Variants in TNR observed in about 807,000 individuals in gnomAD.
TNR encodes the protein tenascin-R.
Under a neutral mutation model 150.4 loss-of-function variants are expected in TNR, and 45 were observed. The ratio of observed to expected loss-of-function variants is 0.30; its 90% CI spans 0.24 to 0.38. The LOEUF (loss-of-function observed/expected upper bound fraction) is 0.38. Ranked by LOEUF, TNR falls within the 10% of genes least tolerant of loss-of-function variation. TNR has a pLI of 1.00. For synonymous variants in TNR, 687 were observed against 678.4 expected (o/e 1.01, Z -0.20); for missense variants, 1,544 against 1,759.1 (o/e 0.88, Z 2.19).
chr1:175,362,598 C>G (rs993630784), intron 14 of TNR, 65 bp downstream of exon 14: 31 of 1,577,688 alleles, frequency 2.0e-5, no homozygotes, highest in Non-Finnish European at 2.6e-5. Context: ...TTCTACAAGC[C>G]CGAACAACTT....
rs1252451328 is a variant in TNR, at chr1:175,403,581, C to T, written c.535G>A (p.Gly179Ser). 4 of 1,613,950 alleles carry T rather than the reference C, an allele frequency of 2.5e-6. No homozygotes were observed. Among genetic ancestry groups the T allele is most frequent in the Non-Finnish European group, 3.4e-6 (4 of 1,179,962 alleles). ...LDYIPHCSGHGNFSFESCGCI... is the reference protein window; with the variant it reads ...LDYIPHCSGHSNFSFESCGCI... ...CCACAGGACTCAAAGCTAAAGTTGC[C>T]GTGGCCACTGCAGTGAGGGATATAG... Residue 179 changes from glycine to serine, a missense_variant, in exon 4 of 23, where the codon GGC becomes AGC. This residue lies in a region of TNR where 1,254 missense variants were observed against 1,329.4 expected (regional missense o/e 0.94). Coordinates refer to ENST00000367674, the MANE Select transcript of TNR (RefSeq NM_003285.3).
chr1:175,729,984 C>G (rs909107549), intron 1 of TNR, among the ~76,000 whole-genome samples: 1 of 152,186 alleles, frequency 6.6e-6, no homozygotes, highest in Non-Finnish European at 1.5e-5. Context: ...AGGCAACAAG[C>G]TTGCATCCTA....
At chr1:175,589,813 C>T (rs1662726054) in intron 1 of TNR, among the ~76,000 whole-genome samples, 1 of 151,704 alleles carries the variant, frequency 6.6e-6, no homozygotes, top group Admixed American at 6.6e-5. Flanking sequence ...CACATGGACA[C>T]AGGAAAGGGA....
chr1:175,495,786 G>A (rs774419498), intron 2 of TNR, among the ~76,000 whole-genome samples: 4 of 152,180 alleles, frequency 2.6e-5, no homozygotes, highest in Non-Finnish European at 5.9e-5. Context: ...CAGAAGTGCC[G>A]TTTGTGTGGC....
chr1:175,324,566 T>C, intron 21 of TNR, 47 bp from the exon 22 acceptor site: 2 of 1,595,666 alleles, frequency 1.3e-6, no homozygotes, highest in South Asian at 1.1e-5. Flanking sequence ...GTCACTGCTT[T>C]ATCAGGATTT....
At chr1:175,679,677 G>T (rs1363779290) in intron 1 of TNR, among the ~76,000 whole-genome samples, 1 of 152,126 alleles carries the variant, frequency 6.6e-6, no homozygotes, top group Admixed American at 6.5e-5. Flanking sequence ...AGGTGTGAGG[G>T]ATGGGCCACT....
At chr1:175,604,008 C>T (rs1014701197) in intron 1 of TNR, among the ~76,000 whole-genome samples, 16 of 152,148 alleles carry the variant, frequency 1.1e-4, no homozygotes, top group African/African-American at 3.6e-4. Flanking sequence ...GGGAGCACAC[C>T]AGTGCTCCCA....
chr1:175,700,667 G>A (rs1028913989), intron 1 of TNR, among the ~76,000 whole-genome samples: 6 of 152,154 alleles, frequency 3.9e-5, no homozygotes, highest in Admixed American at 3.9e-4. Flanking sequence ...GCTGAGCTTG[G>A]AGAGGATGAG....
intron 9 of TNR, among the ~76,000 whole-genome samples, chr1:175,373,821 A>C (rs1310219199): frequency 6.6e-6 from 1 of 152,142 alleles, no homozygotes. Flanking sequence ...TTTAAGACAA[A>C]TAAGGAATAG....
At chr1:175,440,681 C>T (rs1655742617) in intron 2 of TNR, among the ~76,000 whole-genome samples, 2 of 151,916 alleles carry the variant, frequency 1.3e-5, no homozygotes, top group Non-Finnish European at 2.9e-5. Context: ...CAAGTGAAGA[C>T]CATGTTTCAG....
intron 1 of TNR, among the ~76,000 whole-genome samples, chr1:175,592,199 G>A (rs750715378): frequency 6.6e-6 from 1 of 152,172 alleles, no homozygotes; most frequent in Non-Finnish European, 1.5e-5. Context: ...GATAACTTAT[G>A]TAAAATCATT....
intron 1 of TNR, among the ~76,000 whole-genome samples, chr1:175,555,976 G>A (rs558765968): frequency 2.3e-4 from 35 of 152,314 alleles, no homozygotes; most frequent in African/African-American, 8.2e-4. Flanking sequence ...AAGGCGTATA[G>A]GCTCAGACAG....
At chr1:175,445,298 T>G (rs946969870) in intron 2 of TNR, among the ~76,000 whole-genome samples, 2 of 152,106 alleles carry the variant, frequency 1.3e-5, no homozygotes, top group Admixed American at 1.3e-4. Context: ...AAAAGAAGCC[T>G]GAGACAGAGC....
At chr1:175,655,081 G>A (rs376836303) in intron 1 of TNR, among the ~76,000 whole-genome samples, 1 of 152,080 alleles carries the variant, frequency 6.6e-6, no homozygotes. Flanking sequence ...CCATGCTTCT[G>A]TTTTGACGCT....
At chr1:175,323,499 T>A in intron 22 of TNR, 23 bp from the exon 23 acceptor site, 1 of 1,611,794 alleles carries the variant, frequency 6.2e-7, no homozygotes, top group Non-Finnish European at 8.5e-7. Context: ...AAGATAAGCA[T>A]GTCAGGTCAT....
At chr1:175,609,718 A>T (rs1331767366) in intron 1 of TNR, among the ~76,000 whole-genome samples, 1 of 152,218 alleles carries the variant, frequency 6.6e-6, no homozygotes, top group East Asian at 1.9e-4. Context: ...AGGCCAACTG[A>T]TAAGTTACAA....
intron 9 of TNR, 126 bp downstream of exon 9, chr1:175,379,426 T>A: frequency 1.3e-6 from 1 of 769,396 alleles, no homozygotes; most frequent in Non-Finnish European, 2.1e-6. Flanking sequence ...ACATATGTGC[T>A]AGGCACTTAA....
intron 2 of TNR, among the ~76,000 whole-genome samples, chr1:175,520,801 T>C (rs1051242532): frequency 2.1e-4 from 32 of 152,172 alleles, no homozygotes; most frequent in African/African-American, 7.5e-4. Context: ...CTGTCTTTCC[T>C]AGCAGGGTGC....
intron 2 of TNR, among the ~76,000 whole-genome samples, chr1:175,471,181 T>G (rs1657270065): frequency 6.6e-6 from 1 of 152,218 alleles, no homozygotes; most frequent in African/African-American, 2.4e-5. Context: ...CACGCCGGGC[T>G]GAGTAATGAA....
Sources: allele counts gnomAD v4.1 joint callset (sites outside exome capture counted in the v4.1 genomes callset), GRCh38; gene constraint gnomAD v4.1.1; regional missense constraint gnomAD v4.1.1; transcripts MANE v1.5; gene names NCBI Gene and HGNC (gene_info 2026-07-23, HGNC 2026-07-21).